The following SLC14A2 variants were observed in gnomAD, a reference collection of about 807,000 sequenced individuals.
SLC14A2 encodes solute carrier family 14 member 2.
Under a neutral mutation model 104.6 loss-of-function variants are expected in SLC14A2, and 91 were observed. That is an observed-to-expected ratio of 0.87 (90% CI 0.73 to 1.04). The LOEUF (loss-of-function observed/expected upper bound fraction) is 1.04. Ranked by LOEUF, SLC14A2 falls within the 50% of genes least tolerant of loss-of-function variation. The probability of loss-of-function intolerance (pLI) is 0.00; values close to 1 mark genes in which losing one functional copy is unlikely to be tolerated. For missense variants in SLC14A2, 1,189 were observed against 1,156.0 expected, an observed-to-expected ratio of 1.03 and a Z score of -0.41; for synonymous variants, 476 against 466.4, an observed-to-expected ratio of 1.02 and a Z score of -0.27.
chr18:45,619,418 G>T (rs534007044), intron 1 of SLC14A2, among the ~76,000 whole-genome samples: 11 of 152,306 alleles, frequency 7.2e-5, no homozygotes, highest in African/African-American at 2.4e-4. Context: ...CTCCAGGGTA[G>T]CCCACAGGCG....
rs377232792 is a variant in SLC14A2, at chr18:45,432,515, C to T, written c.-124-50718C>T. On this transcript the variant is annotated intron_variant, in intron 1 of 20. Coordinates refer to the SLC14A2 transcript ENST00000586448. ...GGATGTGCATCCTAACAAAGGAGGCCAGGAGTTCTGACCACATTGCTAGAA... is the reference window on the plus strand; with the variant it reads ...GGATGTGCATCCTAACAAAGGAGGCTAGGAGTTCTGACCACATTGCTAGAA... Among the ~76,000 whole-genome samples the T allele has an allele frequency of 2.6e-5, 4 of 152,208 alleles. No individual in the cohort carries two copies. The East Asian group carries it at 7.7e-4, about 29-fold the overall frequency.
At chr18:45,484,026 A>C (rs940022357) in intron 2 of SLC14A2, among the ~76,000 whole-genome samples, 3 of 152,216 alleles carry the variant, frequency 2.0e-5, no homozygotes, top group Admixed American at 6.5e-5. Context: ...AGCTGTTGTA[A>C]CAGATAACAT....
At chr18:45,665,846 C>T (rs2046014089) in intron 11 of SLC14A2, among the ~76,000 whole-genome samples, 2 of 151,924 alleles carry the variant, frequency 1.3e-5, no homozygotes, top group Non-Finnish European at 2.9e-5. Context: ...TAAATGAGGG[C>T]TTCTTAATTA....
intron 2 of SLC14A2, among the ~76,000 whole-genome samples, chr18:45,524,732 G>A (rs1201572494): frequency 6.6e-6 from 1 of 152,172 alleles, no homozygotes; most frequent in East Asian, 1.9e-4. Flanking sequence ...ACACACAGGT[G>A]TAGACCTAAC....
At chr18:45,515,519 T>G (rs1204971965) in intron 2 of SLC14A2, 3 of 152,210 alleles carry the variant, frequency 2.0e-5, no homozygotes, top group African/African-American at 7.2e-5. Context: ...GGAGACACAA[T>G]GCTCTGAGAA....
rs529726777 is a variant in SLC14A2, at chr18:45,469,192, G to T, written c.-124-14041G>T. On this transcript the variant is annotated intron_variant, in intron 1 of 20. Transcript: ENST00000586448. ...GTGTCCATGGCATTGTTGGAAGGAT[G>T]GTCAGTGTGGATGGAACGGTGTGTA... Among the ~76,000 whole-genome samples, 7 of 152,254 alleles carry T rather than the reference G, an allele frequency of 4.6e-5. No homozygotes were observed. The East Asian group carries it at 1.2e-3, about 25-fold the overall frequency.
intron 1 of SLC14A2, among the ~76,000 whole-genome samples, chr18:45,309,571 G>A (rs750081592): frequency 2.6e-5 from 4 of 152,162 alleles, no homozygotes; most frequent in South Asian, 2.1e-4. Flanking sequence ...TTTACAGTCC[G>A]GTGGAAAGTC....
chr18:45,437,356 G>C (rs1598812721), intron 1 of SLC14A2, among the ~76,000 whole-genome samples: 1 of 32,444 alleles, frequency 3.1e-5, no homozygotes. Context: ...CAGCCTCATA[G>C]AGAGAGTCAT....
chr18:45,379,356 A>G (rs957078267), intron 1 of SLC14A2, among the ~76,000 whole-genome samples: 5 of 152,204 alleles, frequency 3.3e-5, no homozygotes, highest in Non-Finnish European at 7.3e-5. Context: ...CCAATGTAAC[A>G]TAGTGAAAGT....
chr18:45,478,067 C>T (rs1263853813), intron 1 of SLC14A2, among the ~76,000 whole-genome samples: 2 of 152,140 alleles, frequency 1.3e-5, no homozygotes, highest in Non-Finnish European at 2.9e-5. Context: ...GGTGTCTGCC[C>T]AAACAACCAC....
At chr18:45,572,745 T>C (rs907104068) in intron 2 of SLC14A2, among the ~76,000 whole-genome samples, 2 of 152,216 alleles carry the variant, frequency 1.3e-5, no homozygotes, top group Non-Finnish European at 2.9e-5. Flanking sequence ...TCAGGTATAC[T>C]CATTCTATGG....
intron 1 of SLC14A2, among the ~76,000 whole-genome samples, chr18:45,253,519 C>CA (rs796286941): frequency 0.015 from 1,975 of 130,746 alleles, 19 homozygotes; most frequent in East Asian, 0.029. Context: ...CAAATGACTG[C>CA]AAAAAAAAAA....
intron 1 of SLC14A2, among the ~76,000 whole-genome samples, chr18:45,261,537 T>A (rs1052617842): frequency 1.3e-5 from 2 of 151,794 alleles, no homozygotes; most frequent in African/African-American, 4.8e-5. Flanking sequence ...TAGGTATATC[T>A]CCTAATGCTA....
At chr18:45,540,888 G>A (rs1004990912) in intron 2 of SLC14A2, among the ~76,000 whole-genome samples, 3 of 152,204 alleles carry the variant, frequency 2.0e-5, no homozygotes, top group South Asian at 2.1e-4. Context: ...TCTTGCCCTC[G>A]CCCTTAAGAA....
intron 1 of SLC14A2, among the ~76,000 whole-genome samples, chr18:45,382,249 G>A (rs1158193997): frequency 1.3e-5 from 2 of 152,150 alleles, no homozygotes; most frequent in Non-Finnish European, 2.9e-5. Flanking sequence ...TATCAGGTGT[G>A]TTTACCATAC....
At chr18:45,382,878 G>A (rs1182553398) in intron 1 of SLC14A2, among the ~76,000 whole-genome samples, 1 of 152,200 alleles carries the variant, frequency 6.6e-6, no homozygotes, top group African/African-American at 2.4e-5. Flanking sequence ...AGAACTGCAA[G>A]TCAAGTTTAA....
chr18:45,365,993 C>CAA (rs527561100), intron 1 of SLC14A2, among the ~76,000 whole-genome samples: 2 of 110,968 alleles, frequency 1.8e-5, no homozygotes, highest in African/African-American at 3.3e-5. Context: ...GCAAAAGGAC[C>CAA]AAAAAAAAAA....
chr18:45,388,603 G>T (rs1008695886), intron 1 of SLC14A2, among the ~76,000 whole-genome samples: 6 of 152,082 alleles, frequency 3.9e-5, no homozygotes, highest in African/African-American at 1.4e-4. Context: ...TATATATTGA[G>T]ATGCTGAATC....
Position 45,608,593 on chromosome 18 carries a change from T to C in SLC14A2, c.-34-16038T>C, listed in dbSNP as rs1243043038. ...ATTTCACAACAAGCTCAATTTACTT[T>C]CCAGTGATGTCCAGACAAATTCCAT... On this transcript the variant is annotated intron_variant, in intron 2 of 20. Coordinates refer to the SLC14A2 transcript ENST00000586448. 2.6e-5 allele frequency among the ~76,000 whole-genome samples: 4 copies of C among 152,220 alleles called. No homozygotes were observed. In the East Asian group the frequency reaches 7.7e-4, roughly 29 times the overall value.
Sources: gnomAD v4.1 joint callset for allele counts (sites outside exome capture counted in the v4.1 genomes callset) on GRCh38, gnomAD v4.1.1 for gene constraint, MANE v1.5 for transcripts, NCBI Gene and HGNC (gene_info 2026-07-23, HGNC 2026-07-21) for gene names.